SMAP1: variants seen among roughly 807,000 people sequenced by gnomAD.
SMAP1 encodes small ArfGAP 1, also known as stromal membrane-associated protein 1.
In SMAP1, 24 loss-of-function variants were observed where a neutral mutation model predicts 58.5. That is an observed-to-expected ratio of 0.41 (90% confidence interval 0.30 to 0.58). The LOEUF (loss-of-function observed/expected upper bound fraction) is 0.58, where lower values mean the gene tolerates loss of function less well. Among genes scored for constraint, SMAP1 ranks in the 20% least tolerant of loss-of-function variants. SMAP1 has a pLI of 0.29. For missense variants in SMAP1, 563 were observed against 566.3 expected (o/e 0.99, Z 0.06); for synonymous variants, 216 against 196.6 (o/e 1.10, Z -0.82).
chr6:70,676,788 T>A (rs989851540), intron 1 of SMAP1, among the ~76,000 whole-genome samples: 6 of 152,174 alleles, frequency 3.9e-5, no homozygotes, highest in African/African-American at 1.4e-4. Context: ...TTATTTATTT[T>A]TTCCTTGTTA....
At chr6:70,714,377 G>A (rs1181695006) in intron 1 of SMAP1, among the ~76,000 whole-genome samples, 1 of 151,606 alleles carries the variant, frequency 6.6e-6, no homozygotes, top group African/African-American at 2.4e-5. Flanking sequence ...AACTTCTATA[G>A]GTGTTTTTTT....
intron 1 of SMAP1, among the ~76,000 whole-genome samples, chr6:70,689,183 A>G (rs1767054953): frequency 6.6e-6 from 1 of 151,866 alleles, no homozygotes; most frequent in Non-Finnish European, 1.5e-5. Flanking sequence ...TAATTTTTGT[A>G]GTTTTAGTAG....
chr6:70,711,441 C>A (rs188896987), intron 1 of SMAP1, among the ~76,000 whole-genome samples: 2 of 151,122 alleles, frequency 1.3e-5, no homozygotes, highest in Admixed American at 1.3e-4. Flanking sequence ...TCTTTCAGAT[C>A]GATCACTATT....
chr6:70,858,511 G>T, intron 10 of SMAP1: 1 of 244,896 alleles, frequency 4.1e-6, no homozygotes, highest in Non-Finnish European at 7.8e-6. Context: ...CACCACTAAT[G>T]GCCAGAAATT....
At chr6:70,668,516 C>T (rs754659327) in intron 1 of SMAP1, 15 of 1,502,142 alleles carry the variant, frequency 1.0e-5, no homozygotes, top group Admixed American at 2.2e-5. Flanking sequence ...GCCCTCCTAG[C>T]TCTGCTCATA....
At chr6:70,798,609 C>T in intron 5 of SMAP1, 48 bp from the exon 6 acceptor site, 1 of 1,438,518 alleles carries the variant, frequency 7.0e-7, no homozygotes, top group South Asian at 1.4e-5. Flanking sequence ...TCAAAAATTG[C>T]CATTTTTTAA....
intron 2 of SMAP1, among the ~76,000 whole-genome samples, chr6:70,736,199 T>G (rs1765611352): frequency 6.6e-6 from 1 of 152,228 alleles, no homozygotes; most frequent in African/African-American, 2.4e-5. Flanking sequence ...AAATAGTTGT[T>G]ACCCAAAACT....
At chr6:70,716,297 G>A (rs1236449001) in intron 1 of SMAP1, among the ~76,000 whole-genome samples, 1 of 152,214 alleles carries the variant, frequency 6.6e-6, no homozygotes. Context: ...GGGGTGATGG[G>A]AGACAGTGAC....
rs1401605966 is a variant in SMAP1 at position 70,715,108 on chromosome 6, T to A, written c.119-17270T>A. Among the ~76,000 whole-genome samples the A allele has an allele frequency of 2.0e-5, 3 of 150,066 alleles. No individual in the cohort carries two copies. In the South Asian group the frequency reaches 6.4e-4, roughly 32 times the overall value. On this transcript the variant is annotated intron_variant, in intron 1 of 10. Coordinates refer to ENST00000370455, the MANE Select transcript of SMAP1 (RefSeq NM_001044305.3). ...TTTCTTTTTTTTTTTTTTTCCTTTT[T>A]TTTTTTTGGAGACATGGTCTTATAG... is the stretch of plus-strand genomic sequence containing the variant.
chr6:70,713,591 T>G (rs892863764), intron 1 of SMAP1, among the ~76,000 whole-genome samples: 2 of 152,236 alleles, frequency 1.3e-5, no homozygotes, highest in African/African-American at 4.8e-5. Context: ...TCAATTCCAT[T>G]GTTGTTGGAC....
intron 1 of SMAP1, among the ~76,000 whole-genome samples, chr6:70,678,273 A>G (rs1766564721): frequency 6.6e-6 from 1 of 152,188 alleles, no homozygotes; most frequent in Admixed American, 6.5e-5. Flanking sequence ...TCTCTTATTG[A>G]TCTTTTATAA....
intron 2 of SMAP1, among the ~76,000 whole-genome samples, chr6:70,748,441 A>G (rs1204623348): frequency 2.0e-5 from 3 of 152,150 alleles, no homozygotes; most frequent in East Asian, 1.9e-4. Context: ...TGATGTTTCT[A>G]TAAGATGATG....
In SMAP1 at chr6:70,858,056, A is replaced by T. The variant is rs996838647; in HGVS notation, c.1096A>T (p.Met366Leu). ...AAATGTGATGGGACAGAGTCCAAGC[A>T]TGATGGTGGGCATGCCCATGCCCAA... ...IGNVMGQSPS[M>L]MVGMPMPNGF... Residue 366 changes from methionine (M) to leucine (L), a missense_variant, in exon 10 of 11, where the codon ATG (methionine) becomes TTG (leucine). Around this residue, in one of 3 missense-constraint regions of SMAP1, gnomAD observed 494 missense variants for 473.8 expected, o/e 1.04. Coordinates refer to ENST00000370455, the MANE Select transcript of SMAP1 (RefSeq NM_001044305.3). 3.1e-6 allele frequency: 5 copies of T among 1,613,980 alleles called. No homozygotes were observed. In the African/African-American group the frequency reaches 6.7e-5, roughly 22 times the overall value.
intron 1 of SMAP1, among the ~76,000 whole-genome samples, chr6:70,719,993 C>T (rs1768448939): frequency 6.6e-6 from 1 of 152,128 alleles, no homozygotes; most frequent in Non-Finnish European, 1.5e-5. Flanking sequence ...TCATGCCTTC[C>T]CAACAGTCCC....
intron 4 of SMAP1, among the ~76,000 whole-genome samples, chr6:70,786,559 C>T (rs766265062): frequency 1.3e-4 from 19 of 150,908 alleles, no homozygotes; most frequent in African/African-American, 2.2e-4. Context: ...AAAACCCCAT[C>T]GTCTCAGCCC....
chr6:70,701,270 A>G (rs1419052542), intron 1 of SMAP1, among the ~76,000 whole-genome samples: 3 of 151,856 alleles, frequency 2.0e-5, no homozygotes, highest in Non-Finnish European at 4.4e-5. Context: ...TTTGGTAGAG[A>G]TGGGTTTTGC....
chr6:70,726,808 C>A (rs764620650), intron 1 of SMAP1, among the ~76,000 whole-genome samples: 23 of 151,556 alleles, frequency 1.5e-4, no homozygotes, highest in Middle Eastern at 3.2e-3. Flanking sequence ...TGCAGGATTT[C>A]CATACCTTAA....
intron 1 of SMAP1, among the ~76,000 whole-genome samples, chr6:70,681,067 G>T (rs1169249066): frequency 6.6e-6 from 1 of 151,284 alleles, no homozygotes; most frequent in South Asian, 2.1e-4. Flanking sequence ...TATAGGGACA[G>T]AAAACAGGTC....
Position 70,861,895 on chromosome 6 carries a change from A to G in SMAP1, c.*1561A>G. The G allele has an allele frequency of 3.7e-6, 6 of 1,613,948 alleles. No homozygotes were observed. Among genetic ancestry groups the G allele is most frequent in the Non-Finnish European group, 5.1e-6 (6 of 1,179,950 alleles). ...GTTGTTATCTGTTTGAGAAAGTCAG[A>G]TTCTTGCATCCCTGGCTGGGATCCA... is the stretch of plus-strand genomic sequence containing the variant. On this transcript the variant is annotated 3_prime_UTR_variant, in exon 11 of 11. Coordinates refer to ENST00000370455, the MANE Select transcript of SMAP1 (RefSeq NM_001044305.3).
Sources: gnomAD v4.1 joint callset for allele counts (sites outside exome capture counted in the v4.1 genomes callset) on GRCh38, gnomAD v4.1.1 for gene constraint, gnomAD v4.1.1 regional missense constraint, MANE v1.5 for transcripts, NCBI Gene and HGNC (gene_info 2026-07-23, HGNC 2026-07-21) for gene names.